The following KLF12 variants were observed in gnomAD, a reference collection of about 807,000 sequenced individuals.
KLF12 encodes Krueppel-like factor 12.
Under a neutral mutation model 37.8 loss-of-function variants are expected in KLF12, and 9 were observed. That is an observed-to-expected ratio of 0.24 (90% confidence interval 0.14 to 0.42). The LOEUF is 0.42. KLF12 is among the 10% of genes least tolerant of loss of function. The probability of loss-of-function intolerance (pLI) is 1.00; values close to 1 mark genes in which losing one functional copy is unlikely to be tolerated. For missense variants in KLF12, 411 were observed against 516.0 expected (o/e 0.80, Z 1.97); for synonymous variants, 208 against 202.1 (o/e 1.03, Z -0.25).
chr13:73,695,299 G>C lies in KLF12; in HGVS notation c.*191C>G, dbSNP rs916729818. On this transcript the variant is annotated 3_prime_UTR_variant, in exon 8 of 8. Transcript: ENST00000377669. ...GAGCTCCCAGGCCCGGGTAAAGACG[G>C]TTCTCGTCTAGTCATGATGGGGGTT... 6.9e-6 allele frequency: 4 copies of C among 576,926 alleles called. No individual in the cohort carries two copies. The highest frequency in any genetic ancestry group is 1.2e-5 in the Non-Finnish European group (4 of 328,550). 35.7% of individuals were successfully genotyped at this position (576,926 alleles called of 1,614,324 possible).
chr13:73,805,610 A>AGGGAGGGAGGGAGGGAGGG (rs1882529087), intron 5 of KLF12, among the ~76,000 whole-genome samples: 1 of 67,024 alleles, frequency 1.5e-5, no homozygotes, highest in African/African-American at 6.6e-5. Flanking sequence ...TGTCAGAAGG[A>AGGGAGGGAGGGAGGGAGGG]AGGGAGGGAG....
rs190357799 is a variant in KLF12, at chr13:73,991,845, T to C, written c.33+3145A>G. ...GATTGCTGCTATTACAATCCCTCTA[T>C]CCTGTGCGAAGAAAGAGCCTTGGAA... is the stretch of plus-strand genomic sequence containing the variant. On this transcript the variant is annotated intron_variant, in intron 2 of 7. Coordinates refer to ENST00000377669, the MANE Select transcript of KLF12 (RefSeq NM_007249.5). 2.4e-3 allele frequency among the ~76,000 whole-genome samples: 361 copies of C among 152,276 alleles called. 2 individuals are homozygous for C. In the South Asian group the frequency reaches 0.024, roughly 10 times the overall value.
At chr13:73,832,035 C>A (rs147582508) in intron 4 of KLF12, among the ~76,000 whole-genome samples, 1 of 152,284 alleles carries the variant, frequency 6.6e-6, no homozygotes, top group African/African-American at 2.4e-5. Flanking sequence ...ACAAATATAT[C>A]CAAGCCAAGA....
intron 4 of KLF12, among the ~76,000 whole-genome samples, chr13:73,842,925 T>C (rs1884815783): frequency 6.6e-6 from 1 of 152,170 alleles, no homozygotes; most frequent in South Asian, 2.1e-4. Context: ...CACTAGACAG[T>C]TTTACTATTA....
chr13:74,265,678 G>A, the KLF12 span, among the ~76,000 whole-genome samples: 1 of 152,232 alleles, frequency 6.6e-6, no homozygotes, highest in Non-Finnish European at 1.5e-5. Flanking sequence ...TGTAGGCATA[G>A]TGGGACCTAC....
chr13:73,823,343 G>A (rs1883643603), intron 4 of KLF12, among the ~76,000 whole-genome samples: 2 of 151,584 alleles, frequency 1.3e-5, no homozygotes, highest in African/African-American at 4.8e-5. Context: ...GCTATATACA[G>A]CTAGATGGTA....
chr13:73,813,951 C>A lies in KLF12; in HGVS notation c.671-664G>T, dbSNP rs181087841. Among the ~76,000 whole-genome samples, 190 of 152,280 alleles carry A rather than the reference C, an allele frequency of 1.2e-3. 1 individual carries two copies. The highest frequency in any genetic ancestry group is 4.4e-3 in the African/African-American group (181 of 41,562). On this transcript the variant is annotated intron_variant, in intron 4 of 7. Coordinates refer to ENST00000377669, the MANE Select transcript of KLF12 (RefSeq NM_007249.5). ...TTTCCAGATATGATTCTTCTCCAAT[C>A]GTGAATTTGCCAAAGCAGGAAACGG... is the stretch of plus-strand genomic sequence containing the variant.
intron 1 of KLF12, among the ~76,000 whole-genome samples, chr13:74,109,682 AAGAC>A (rs1876863769): frequency 1.3e-5 from 2 of 152,188 alleles, no homozygotes; most frequent in Non-Finnish European, 1.5e-5. Context: ...TAAAAATAAA[AAGAC>A]AGTTCTTTAA....
intron 4 of KLF12, among the ~76,000 whole-genome samples, chr13:73,820,830 G>C (rs1205882606): frequency 6.6e-6 from 1 of 152,222 alleles, no homozygotes; most frequent in Non-Finnish European, 1.5e-5. Flanking sequence ...CCTCTCTACA[G>C]TTTTCAAGAC....
chr13:74,300,228 T>TA, the KLF12 span, among the ~76,000 whole-genome samples: 12 of 152,062 alleles, frequency 7.9e-5, no homozygotes, highest in South Asian at 1.7e-3. Context: ...TCCTTGATAA[T>TA]AAAAAAAAGT....
intron 5 of KLF12, among the ~76,000 whole-genome samples, chr13:73,790,123 T>C (rs369461228): frequency 1.3e-5 from 2 of 152,330 alleles, no homozygotes; most frequent in South Asian, 2.1e-4. Flanking sequence ...TATTCCCTTT[T>C]CCAATTCGCT....
chr13:74,168,868 T>G, the KLF12 span, among the ~76,000 whole-genome samples: 2 of 152,324 alleles, frequency 1.3e-5, no homozygotes, highest in African/African-American at 4.8e-5. Flanking sequence ...GAAGAAAAGC[T>G]TTTGTGCACT....
chr13:73,978,773 G>A (rs1891612114), intron 2 of KLF12, among the ~76,000 whole-genome samples: 1 of 152,034 alleles, frequency 6.6e-6, no homozygotes, highest in African/African-American at 2.4e-5. Flanking sequence ...ACCAACCAAG[G>A]TATCCTTCAG....
the KLF12 span, among the ~76,000 whole-genome samples, chr13:74,180,748 T>C: frequency 6.6e-6 from 1 of 152,112 alleles, no homozygotes; most frequent in Admixed American, 6.5e-5. Context: ...CTGCCTCAGC[T>C]ATAGGAATAA....
intron 2 of KLF12, among the ~76,000 whole-genome samples, chr13:73,989,981 G>A (rs189964733): frequency 0.093 from 2,103 of 22,660 alleles, 40 homozygotes; most frequent in East Asian, 0.48. Flanking sequence ...AAGGGTTCAC[G>A]TAATACAATA....
intron 2 of KLF12, among the ~76,000 whole-genome samples, chr13:73,984,464 T>C (rs967943741): frequency 1.3e-5 from 2 of 152,188 alleles, no homozygotes; most frequent in African/African-American, 4.8e-5. Flanking sequence ...CACAGTTCCC[T>C]GGCCTCTCTG....
At chr13:74,036,554 G>A (rs1893250779) in intron 1 of KLF12, among the ~76,000 whole-genome samples, 1 of 152,158 alleles carries the variant, frequency 6.6e-6, no homozygotes, top group South Asian at 2.1e-4. Flanking sequence ...CTGAGGATGT[G>A]GTAAGATTTT....
intron 1 of KLF12, among the ~76,000 whole-genome samples, chr13:74,052,199 AAATACC>A (rs1379573514): frequency 1.3e-5 from 2 of 152,174 alleles, no homozygotes; most frequent in Non-Finnish European, 2.9e-5. Context: ...CATAGTCTAT[AAATACC>A]AGGGTTTTAA....
At chr13:73,999,345 T>TA (rs966580685) in intron 1 of KLF12, among the ~76,000 whole-genome samples, 1 of 152,116 alleles carries the variant, frequency 6.6e-6, no homozygotes, top group African/African-American at 2.4e-5. Flanking sequence ...TCTCATAAGT[T>TA]AAAAAAAGAA....
Sources: gnomAD v4.1 joint callset for allele counts (sites outside exome capture counted in the v4.1 genomes callset) on GRCh38, gnomAD v4.1.1 for gene constraint, MANE v1.5 for transcripts, NCBI Gene and HGNC (gene_info 2026-07-23, HGNC 2026-07-21) for gene names.